Variants in TMEM132D observed in about 807,000 individuals in gnomAD.
The protein encoded by TMEM132D is transmembrane protein 132D, also known as mature OL transmembrane protein.
In TMEM132D, 21 loss-of-function variants were observed where a neutral mutation model predicts 62.3. The ratio of observed to expected loss-of-function variants is 0.34; its 90% CI spans 0.24 to 0.49. The LOEUF is 0.49. TMEM132D is among the 20% of genes least tolerant of loss of function. The pLI, the probability that TMEM132D is intolerant of heterozygous loss-of-function variation, is 0.99. For missense variants in TMEM132D, 1,346 were observed against 1,402.8 expected, an observed-to-expected ratio of 0.96 and a Z score of 0.65; for synonymous variants, 621 against 575.6, an observed-to-expected ratio of 1.08 and a Z score of -1.13.
Position 129,827,074 on chromosome 12 carries a change from A to C in TMEM132D, c.79+76187T>G, listed in dbSNP as rs970882264. ...AAATACTAAATTATGAATTGATTTTAGTGATCATTATTTGGTGGTTCAGAA... is the reference window on the plus strand; with the variant it reads ...AAATACTAAATTATGAATTGATTTTCGTGATCATTATTTGGTGGTTCAGAA... On this transcript the variant is annotated intron_variant, in intron 1 of 8. Coordinates refer to ENST00000422113, the MANE Select transcript of TMEM132D (RefSeq NM_133448.3). This position sits in a 1 kb window ranked among gnomAD's most constrained non-coding sequence, Gnocchi z 9.7. Among the ~76,000 whole-genome samples, 20 of 152,214 alleles carry C rather than the reference A, an allele frequency of 1.3e-4. No individual in the cohort carries two copies. Among genetic ancestry groups the C allele is most frequent in the Admixed American group, 6.5e-5 (1 of 15,280 alleles).
chr12:129,362,776 A>C (rs1870288774), intron 3 of TMEM132D, among the ~76,000 whole-genome samples: 1 of 152,144 alleles, frequency 6.6e-6, no homozygotes, highest in Non-Finnish European at 1.5e-5. Context: ...AGAAAACACA[A>C]AATCAGAATA....
chr12:129,114,435 C>CCTT (rs1565968887), intron 5 of TMEM132D, among the ~76,000 whole-genome samples: 15 of 145,390 alleles, frequency 1.0e-4, no homozygotes, highest in African/African-American at 1.5e-4. Flanking sequence ...CCTCCTTCCT[C>CCTT]CCTCCCTCCC....
chr12:129,823,852 A>G (rs144798575), intron 1 of TMEM132D, among the ~76,000 whole-genome samples: 12 of 152,334 alleles, frequency 7.9e-5, no homozygotes, highest in Admixed American at 1.3e-4. Flanking sequence ...GTGCCCAGAT[A>G]TTTGTTAAAA....
intron 1 of TMEM132D, among the ~76,000 whole-genome samples, chr12:129,879,038 C>T (rs917411738): frequency 6.6e-6 from 1 of 152,232 alleles, no homozygotes; most frequent in Admixed American, 6.5e-5. Flanking sequence ...GCTTCTTCAT[C>T]ATTTGTAGAA....
At chr12:129,599,681 A>C (rs1878435269) in intron 2 of TMEM132D, among the ~76,000 whole-genome samples, 1 of 152,244 alleles carries the variant, frequency 6.6e-6, no homozygotes, top group African/African-American at 2.4e-5. Flanking sequence ...TCATCATAAT[A>C]AAGCAAATAT....
intron 3 of TMEM132D, among the ~76,000 whole-genome samples, chr12:129,367,705 G>A (rs1180820472): frequency 6.6e-6 from 1 of 152,024 alleles, no homozygotes; most frequent in African/African-American, 2.4e-5. Flanking sequence ...CAGCACTGAT[G>A]CCAGTCCCAG....
At chr12:129,404,572 C>CCAG (rs1424049913) in intron 3 of TMEM132D, among the ~76,000 whole-genome samples, 1 of 152,214 alleles carries the variant, frequency 6.6e-6, no homozygotes, top group African/African-American at 2.4e-5. Flanking sequence ...CAGCATAGCA[C>CCAG]CAGCATCTGC....
At chr12:129,207,064 T>C (rs1348262007) in intron 5 of TMEM132D, among the ~76,000 whole-genome samples, 2 of 152,118 alleles carry the variant, frequency 1.3e-5, no homozygotes, top group African/African-American at 2.4e-5. Context: ...AGGTGACCTA[T>C]TAATATATAA....
intron 4 of TMEM132D, among the ~76,000 whole-genome samples, chr12:129,232,177 G>A (rs1177574952): frequency 1.3e-5 from 2 of 152,094 alleles, no homozygotes; most frequent in Non-Finnish European, 2.9e-5. Flanking sequence ...ATTCTAATAG[G>A]CAGCAAAGTG....
chr12:129,259,413 A>C (rs374698861), intron 4 of TMEM132D, among the ~76,000 whole-genome samples: 19 of 152,324 alleles, frequency 1.2e-4, no homozygotes, highest in African/African-American at 4.6e-4. Flanking sequence ...AAAGCCCTAA[A>C]GTATAAATAA....
chr12:129,796,372 C>T lies in TMEM132D; in HGVS notation c.80-95674G>A, dbSNP rs369721958. Among the ~76,000 whole-genome samples the T allele has an allele frequency of 1.4e-4, 22 of 152,228 alleles. No individual in the cohort carries two copies. In the South Asian group the frequency reaches 4.4e-3, roughly 30 times the overall value. ...AACCTACGGATACCATTTACTGCTT[C>T]TGTTGTTTTCATTTCTAGAAATACT... On this transcript the variant is annotated intron_variant, in intron 1 of 8. Transcript: ENST00000422113.
At chr12:129,838,314 C>T (rs1016742381) in intron 1 of TMEM132D, among the ~76,000 whole-genome samples, 1 of 152,218 alleles carries the variant, frequency 6.6e-6, no homozygotes, top group Non-Finnish European at 1.5e-5. Flanking sequence ...TTCCAACTCT[C>T]TTCCGAAAAA....
At chr12:129,895,700 A>G (rs1165990892) in intron 1 of TMEM132D, among the ~76,000 whole-genome samples, 1 of 152,174 alleles carries the variant, frequency 6.6e-6, no homozygotes, top group African/African-American at 2.4e-5. Context: ...CTCCCAATAT[A>G]TTCACGAAGT....
chr12:129,405,200 T>C (rs1347148272), intron 3 of TMEM132D, among the ~76,000 whole-genome samples: 1 of 152,116 alleles, frequency 6.6e-6, no homozygotes, highest in African/African-American at 2.4e-5. Flanking sequence ...GTTCTGCTGA[T>C]TTGGCTCCTG....
intron 3 of TMEM132D, among the ~76,000 whole-genome samples, chr12:129,427,401 T>G: frequency 8.5e-6 from 1 of 117,150 alleles, no homozygotes; most frequent in Admixed American, 9.9e-5. Flanking sequence ...CACCGGGGCC[T>G]GTTGTGGGGT....
chr12:129,524,923 TTTTC>T lies in TMEM132D; in HGVS notation c.1115+6132_1115+6135del, dbSNP rs1211884867. Among the ~76,000 whole-genome samples, 236 of 83,416 alleles carry T rather than the reference TTTTC, an allele frequency of 2.8e-3. 19 individuals carry two copies. Among genetic ancestry groups the T allele is most frequent in the African/African-American group, 0.011 (226 of 20,672 alleles). The allele number at this position is 83,416 out of a possible 152,430, so 54.7% of individuals were successfully genotyped here. On this transcript the variant is annotated intron_variant, in intron 3 of 8. Coordinates refer to ENST00000422113, the MANE Select transcript of TMEM132D (RefSeq NM_133448.3). ...TTTATTATTTTCATATTTTTTTCTT[TTTTC>T]TTTTTTTTTTTTTTTTTGAGACGGA... is the stretch of plus-strand genomic sequence containing the variant.
chr12:129,648,272 C>G (rs1346726282), intron 2 of TMEM132D, among the ~76,000 whole-genome samples: 1 of 152,084 alleles, frequency 6.6e-6, no homozygotes, highest in African/African-American at 2.4e-5. Flanking sequence ...TGACCTCCAC[C>G]CAGGAGCTGA....
At chr12:129,320,977 C>CTACCTATCTATCTATCTATCTATCTAT (rs556983732) in intron 4 of TMEM132D, among the ~76,000 whole-genome samples, 1 of 150,208 alleles carries the variant, frequency 6.7e-6, no homozygotes, top group African/African-American at 2.5e-5. Flanking sequence ...TATCTATCTA[C>CTACCTATCTATCTATCTATCTATCTAT]CTACCTACCT....
At chr12:129,151,987 C>T (rs1159848849) in intron 5 of TMEM132D, among the ~76,000 whole-genome samples, 1 of 151,212 alleles carries the variant, frequency 6.6e-6, no homozygotes, top group South Asian at 2.1e-4. Context: ...AAACGATTCT[C>T]CTGCCTCAGC....
Sources: gnomAD v4.1 joint callset for allele counts (sites outside exome capture counted in the v4.1 genomes callset) on GRCh38, gnomAD v4.1.1 for gene constraint, Gnocchi (gnomAD v3.1) non-coding constraint, MANE v1.5 for transcripts, NCBI Gene and HGNC (gene_info 2026-07-23, HGNC 2026-07-21) for gene names.